Variants in SH3D19 observed in about 807,000 individuals in gnomAD.
SH3D19 encodes the protein SH3 domain-containing protein 19.
A neutral mutation model predicts 112.1 loss-of-function variants in SH3D19; 58 were observed. The observed-to-expected ratio is 0.52, with a 90% CI of 0.42 to 0.64. The LOEUF (loss-of-function observed/expected upper bound fraction) is 0.64. SH3D19 is among the 30% of genes least tolerant of loss of function. SH3D19 has a pLI of 0.00. For missense variants in SH3D19, 1,090 were observed against 1,263.4 expected, an observed-to-expected ratio of 0.86 and a Z score of 2.08; for synonymous variants, 391 against 448.5, an observed-to-expected ratio of 0.87 and a Z score of 1.62.
At chr4:151,277,362 T>A in intron 1 of SH3D19, 1 of 525,352 alleles carries the variant, frequency 1.9e-6, no homozygotes, top group Non-Finnish European at 3.0e-6. Flanking sequence ...GAGAGGCTAC[T>A]ATATACCCAG....
chr4:151,171,318 G>A (rs1243482949), intron 7 of SH3D19, among the ~76,000 whole-genome samples: 1 of 151,770 alleles, frequency 6.6e-6, no homozygotes, highest in Non-Finnish European at 1.5e-5. Flanking sequence ...TTGGTAATCT[G>A]GAAAGGGTTA....
At chr4:151,154,571 A>G (rs1315258763) in intron 9 of SH3D19, among the ~76,000 whole-genome samples, 7 of 148,062 alleles carry the variant, frequency 4.7e-5, no homozygotes, top group South Asian at 2.1e-4. Flanking sequence ...GAGCCACCAC[A>G]CCCGGCCTCT....
At chr4:151,324,715 G>T (rs1282022018) in intron 1 of SH3D19, among the ~76,000 whole-genome samples, 1 of 150,404 alleles carries the variant, frequency 6.6e-6, no homozygotes, top group Non-Finnish European at 1.5e-5. Flanking sequence ...TTGCGTGGGG[G>T]AGGGTCTCAC....
chr4:151,256,504 T>C lies in SH3D19; in HGVS notation c.113-30418A>G, dbSNP rs547810572. ...CTTCACAGAAATGCCTTAATCATGA[T>C]TCAAAATGATGGTGTTCGCATTCAT... On this transcript the variant is annotated intron_variant, in intron 1 of 19. Coordinates refer to ENST00000604030, the MANE Select transcript of SH3D19 (RefSeq NM_001378122.1). Among the ~76,000 whole-genome samples the C allele has an allele frequency of 4.6e-5, 7 of 152,336 alleles. No homozygotes were observed. In the East Asian group the frequency reaches 5.8e-4, roughly 13 times the overall value.
intron 18 of SH3D19, 68 bp from the exon 19 acceptor site, chr4:151,127,783 T>TA (rs1302626047): frequency 8.0e-5 from 75 of 933,844 alleles, no homozygotes; most frequent in South Asian, 5.0e-4. Flanking sequence ...TAACATTTTT[T>TA]AAAAAAAAAC....
intron 1 of SH3D19, among the ~76,000 whole-genome samples, chr4:151,275,773 A>G (rs560774062): frequency 6.6e-6 from 1 of 152,074 alleles, no homozygotes; most frequent in African/African-American, 2.4e-5. Flanking sequence ...CTCCCCGTTC[A>G]GCCTTTCAAA....
chr4:151,191,169 C>T (rs961525472), intron 2 of SH3D19, among the ~76,000 whole-genome samples: 2 of 152,210 alleles, frequency 1.3e-5, no homozygotes, highest in African/African-American at 2.4e-5. Context: ...GCTGTATTTA[C>T]CCAATGCCTG....
At chr4:151,247,688 T>C (rs963671876) in intron 1 of SH3D19, among the ~76,000 whole-genome samples, 1 of 152,224 alleles carries the variant, frequency 6.6e-6, no homozygotes, top group Admixed American at 6.5e-5. Flanking sequence ...AGCTCCTCCA[T>C]TTTAATAGTT....
At chr4:151,241,803 T>C (rs1208398933) in intron 1 of SH3D19, among the ~76,000 whole-genome samples, 2 of 152,120 alleles carry the variant, frequency 1.3e-5, no homozygotes, top group Non-Finnish European at 2.9e-5. Flanking sequence ...GTTGAGCTGT[T>C]CATTTTAATA....
chr4:151,135,486 G>A (rs1046976516), intron 14 of SH3D19, among the ~76,000 whole-genome samples: 3 of 135,798 alleles, frequency 2.2e-5, no homozygotes, highest in South Asian at 2.5e-4. Flanking sequence ...GGAGTGCAGC[G>A]GCACAATCAG....
chr4:151,207,964 T>C (rs1368912122), intron 2 of SH3D19, among the ~76,000 whole-genome samples: 2 of 152,204 alleles, frequency 1.3e-5, no homozygotes, highest in African/African-American at 4.8e-5. Context: ...CATTTCCAAG[T>C]GGGTTTAGCC....
intron 1 of SH3D19, among the ~76,000 whole-genome samples, chr4:151,245,647 G>A (rs6824159): frequency 0.33 from 49,713 of 151,940 alleles, 9,403 homozygotes; most frequent in Non-Finnish European, 0.44. Context: ...CTGTCACCAG[G>A]CGGGTGTGCA....
chr4:151,180,855 C>G (rs1220395114), intron 3 of SH3D19, among the ~76,000 whole-genome samples: 3 of 151,782 alleles, frequency 2.0e-5, no homozygotes, highest in African/African-American at 7.3e-5. Context: ...GCTCCGCCTC[C>G]CGGGTTCATG....
chr4:151,280,054 T>TCAAACCCGAAACAACTAG, intron 1 of SH3D19: 1 of 872,648 alleles, frequency 1.1e-6, no homozygotes, highest in Non-Finnish European at 1.7e-6. Context: ...AGTGGTAAAA[T>TCAAACCCGAAACAACTAG]AGGCAGGGCG....
At chr4:151,193,979 C>G (rs1763020448) in intron 2 of SH3D19, among the ~76,000 whole-genome samples, 1 of 150,826 alleles carries the variant, frequency 6.6e-6, no homozygotes, top group Non-Finnish European at 1.5e-5. Context: ...AAATCTAATC[C>G]TCTCTTTTCT....
At chr4:151,144,755 G>C (rs1189485215) in intron 11 of SH3D19, among the ~76,000 whole-genome samples, 1 of 152,146 alleles carries the variant, frequency 6.6e-6, no homozygotes, top group Non-Finnish European at 1.5e-5. Flanking sequence ...CTGATACCAA[G>C]TGTCTACTTA....
chr4:151,265,818 C>G (rs978678280), intron 1 of SH3D19, among the ~76,000 whole-genome samples: 1 of 152,046 alleles, frequency 6.6e-6, no homozygotes, highest in African/African-American at 2.4e-5. Flanking sequence ...CTCCTGACCT[C>G]AAGCGATCCA....
rs1203414891 is a variant in SH3D19, at chr4:151,325,292, C to G, written c.61G>C (p.Gly21Arg). ...EEELRERREL[G>R]GQRRARGRAL... ...CGGCCCCGGGCGCGGCGCTGGCCAC[C>G]AAGTTCGCGGCGCTCGCGTAGCTCT... Residue 21 changes from glycine to arginine, a missense_variant, in exon 1 of 20, where the codon GGT becomes CGT. Physicochemically the swap from Gly to Arg is moderately radical, Grantham distance 125 (BLOSUM62 -2). Transcript: ENST00000604030. The G allele has an allele frequency of 1.6e-6, 2 of 1,220,962 alleles. No homozygotes were observed. Among genetic ancestry groups the G allele is most frequent in the East Asian group, 6.5e-5 (2 of 30,748 alleles). The allele number at this position is 1,220,962 out of a possible 1,614,324, so 75.6% of individuals were successfully genotyped here. A position where few individuals can be genotyped will look rare whatever the true frequency, so the allele number is the denominator to read the frequency against.
In SH3D19 at chr4:151,174,769, G is replaced by A. The variant is rs1198043099; in HGVS notation, c.1435C>T (p.Pro479Ser). ...CTGATGAGATCGATGTCCACCAAGG[G>A]CTTGCTCTGCAGAACTGGAACTGGG... ...NPPVPVLQSK[P>S]LVDIDLISFD... Residue 479 changes from proline (P) to serine (S), a missense_variant, in exon 7 of 20, where the codon CCC becomes TCC. Coordinates refer to ENST00000604030, the MANE Select transcript of SH3D19 (RefSeq NM_001378122.1). 1.3e-6 allele frequency: 2 copies of A among 1,542,154 alleles called. No individual in the cohort carries two copies. Among genetic ancestry groups the A allele is most frequent in the Non-Finnish European group, 8.7e-7 (1 of 1,148,494 alleles).
Sources: gnomAD v4.1 joint callset for allele counts (sites outside exome capture counted in the v4.1 genomes callset) on GRCh38, gnomAD v4.1.1 for gene constraint, MANE v1.5 for transcripts, NCBI Gene and HGNC (gene_info 2026-07-23, HGNC 2026-07-21) for gene names.